The following NR3C1 variants were observed in gnomAD, a reference collection of about 807,000 sequenced individuals.
NR3C1 encodes glucocorticoid receptor.
In NR3C1, 14 loss-of-function variants were observed where a neutral mutation model predicts 74.0. The observed-to-expected ratio is 0.19, with a 90% confidence interval of 0.12 to 0.30. The LOEUF (loss-of-function observed/expected upper bound fraction) is 0.30. Ranked by LOEUF, NR3C1 falls within the 10% of genes least tolerant of loss-of-function variation. NR3C1 has a pLI of 1.00. For synonymous variants in NR3C1, 308 were observed against 332.5 expected (o/e 0.93, Z 0.80); for missense variants, 695 against 909.8 (o/e 0.76, Z 3.04).
chr5:143,340,788 G>T (rs968824955), intron 2 of NR3C1, among the ~76,000 whole-genome samples: 3 of 151,958 alleles, frequency 2.0e-5, no homozygotes, highest in African/African-American at 7.3e-5. Context: ...GCCAAAAGGC[G>T]ATATTTTTTA....
At chr5:143,398,356 G>GT (rs35241746) in intron 2 of NR3C1, among the ~76,000 whole-genome samples, 1,773 of 85,306 alleles carry the variant, frequency 0.021, 16 homozygotes, top group Middle Eastern at 0.038. Context: ...AGGTTTTTTG[G>GT]TTTTTTTTTT....
At chr5:143,346,369 C>T (rs1243641375) in intron 2 of NR3C1, among the ~76,000 whole-genome samples, 1 of 152,206 alleles carries the variant, frequency 6.6e-6, no homozygotes, top group Non-Finnish European at 1.5e-5. Context: ...CTTCAGTCCA[C>T]ACAGAGTGGT....
rs1366165964 is a variant in NR3C1, at chr5:143,413,329, G to T, written c.-13-12477C>A. Among the ~76,000 whole-genome samples the T allele has an allele frequency of 2.7e-5, 4 of 148,886 alleles. No homozygotes were observed. The East Asian group carries it at 5.8e-4, about 22-fold the overall frequency. ...ATGAAGGGTTTTCTTCAAGTTATTT[G>T]TTTTTTTTTTCTCTTGAAGATAATA... On this transcript the variant is annotated intron_variant, in intron 1 of 8. Coordinates refer to the NR3C1 transcript ENST00000343796.
intron 2 of NR3C1, among the ~76,000 whole-genome samples, chr5:143,384,591 CA>C (rs1836838248): frequency 6.6e-6 from 1 of 152,152 alleles, no homozygotes; most frequent in Non-Finnish European, 1.5e-5. Context: ...CATGCATGTC[CA>C]AAAACCTGCA....
chr5:143,335,381 C>T (rs904467600), intron 2 of NR3C1, among the ~76,000 whole-genome samples: 2 of 152,184 alleles, frequency 1.3e-5, no homozygotes, highest in African/African-American at 4.8e-5. Context: ...TCTAAGATTA[C>T]TGCTGTAAAT....
At chr5:143,312,465 TATTG>T (rs1430279265) in intron 3 of NR3C1, among the ~76,000 whole-genome samples, 2 of 152,098 alleles carry the variant, frequency 1.3e-5, no homozygotes, top group Non-Finnish European at 2.9e-5. Context: ...TAGTCCCACC[TATTG>T]ATTAGAGTCA....
rs1162926334 is a variant in NR3C1, at chr5:143,339,228, CTTGT to C, written c.1185-25064_1185-25061del. Among the ~76,000 whole-genome samples, 9 of 149,952 alleles carry C rather than the reference CTTGT, an allele frequency of 6.0e-5. No homozygotes were observed. In the East Asian group the frequency reaches 1.7e-3, roughly 29 times the overall value. On this transcript the variant is annotated intron_variant, in intron 2 of 8. Transcript: ENST00000394464. ...TTTTGTTCATTCTCATGTACATATG[CTTGT>C]TTCACAGTAAAAAAAAATGTAACTC...
At chr5:143,319,423 T>G (rs1822866977) in intron 2 of NR3C1, among the ~76,000 whole-genome samples, 1 of 152,126 alleles carries the variant, frequency 6.6e-6, no homozygotes, top group African/African-American at 2.4e-5. Context: ...ACAAAGATAT[T>G]ATCACCTCAG....
upstream of NR3C1, chr5:143,407,249 G>C (rs907620867): frequency 6.6e-6 from 1 of 152,160 alleles, no homozygotes; most frequent in African/African-American, 2.4e-5. Flanking sequence ...ATAACATTGA[G>C]TCAACTAGTT....
intron 2 of NR3C1, among the ~76,000 whole-genome samples, chr5:143,360,599 T>C (rs1459634606): frequency 6.6e-6 from 1 of 152,218 alleles, no homozygotes; most frequent in Non-Finnish European, 1.5e-5. Flanking sequence ...AAATTTTCTA[T>C]TGCTACATCA....
chr5:143,306,874 A>ATTTTTTTTTTTTATTTTT (rs1819709263), intron 4 of NR3C1, among the ~76,000 whole-genome samples: 1 of 82,870 alleles, frequency 1.2e-5, no homozygotes, highest in African/African-American at 5.1e-5. Context: ...GTATGCTTAA[A>ATTTTTTTTTTTTATTTTT]TTTTTTTTTT....
At chr5:143,420,496 G>A (rs34226461) in intron 1 of NR3C1, among the ~76,000 whole-genome samples, 2 of 152,042 alleles carry the variant, frequency 1.3e-5, no homozygotes, top group Non-Finnish European at 2.9e-5. Flanking sequence ...CTGACTTCCC[G>A]CAACAGGGGA....
At chr5:143,408,216 A>G (rs1448340154), upstream of NR3C1, among the ~76,000 whole-genome samples, 1 of 152,210 alleles carries the variant, frequency 6.6e-6, no homozygotes, top group Non-Finnish European at 1.5e-5. Context: ...CAGACTATAA[A>G]GGCCAAATAC....
intron 2 of NR3C1, among the ~76,000 whole-genome samples, chr5:143,344,616 T>C (rs1828877186): frequency 6.6e-6 from 1 of 152,158 alleles, no homozygotes; most frequent in South Asian, 2.1e-4. Context: ...CTCACGCCTG[T>C]AATCCCATCA....
intron 7 of NR3C1, chr5:143,294,846 T>C: frequency 1.2e-6 from 1 of 820,462 alleles, no homozygotes; most frequent in Non-Finnish European, 1.5e-6. Context: ...TCAATAGTAT[T>C]CCATCATCTG....
At chr5:143,381,254 A>G (rs553430053) in intron 2 of NR3C1, among the ~76,000 whole-genome samples, 1 of 152,280 alleles carries the variant, frequency 6.6e-6, no homozygotes, top group Non-Finnish European at 1.5e-5. Context: ...GAGCTCTACA[A>G]TGAAAACAAT....
At chr5:143,372,189 G>C (rs899097050) in intron 2 of NR3C1, among the ~76,000 whole-genome samples, 1 of 152,112 alleles carries the variant, frequency 6.6e-6, no homozygotes, top group African/African-American at 2.4e-5. Flanking sequence ...AGCAGTCTCA[G>C]CATATGATTT....
intron 1 of NR3C1, among the ~76,000 whole-genome samples, chr5:143,420,472 TCC>T (rs1751164773): frequency 6.6e-6 from 1 of 152,192 alleles, no homozygotes; most frequent in Non-Finnish European, 1.5e-5. Context: ...AGCTGGTCCC[TCC>T]GTTTGGGGTC....
intron 1 of NR3C1, among the ~76,000 whole-genome samples, chr5:143,422,486 A>G (rs1227970921): frequency 6.6e-6 from 1 of 152,080 alleles, no homozygotes; most frequent in East Asian, 1.9e-4. Flanking sequence ...TGAAATCCTA[A>G]CCCCATGGTG....
Sources: allele counts gnomAD v4.1 joint callset (sites outside exome capture counted in the v4.1 genomes callset), GRCh38; gene constraint gnomAD v4.1.1; transcripts MANE v1.5; gene names NCBI Gene and HGNC (gene_info 2026-07-23, HGNC 2026-07-21).